Variants in STAG1 observed in about 807,000 individuals in gnomAD.
STAG1 encodes the protein STAG1 cohesin complex component.
Under a neutral mutation model 170.9 loss-of-function variants are expected in STAG1, and 26 were observed. That is an observed-to-expected ratio of 0.15 (90% CI 0.11 to 0.21). The LOEUF (loss-of-function observed/expected upper bound fraction) is 0.21. STAG1 is among the 10% of genes least tolerant of loss of function. The pLI is 1.00. For synonymous variants in STAG1, 514 were observed against 497.7 expected, an observed-to-expected ratio of 1.03 and a Z score of -0.44; for missense variants, 964 against 1,509.5, an observed-to-expected ratio of 0.64 and a Z score of 5.99.
At chr3:136,349,919 C>G (rs1302963047) in intron 28 of STAG1, among the ~76,000 whole-genome samples, 1 of 152,108 alleles carries the variant, frequency 6.6e-6, no homozygotes, top group Non-Finnish European at 1.5e-5. Flanking sequence ...CTTTGGGAGG[C>G]CGAGGTGGGC....
At chr3:136,673,563 A>G (rs555056440) in intron 1 of STAG1, among the ~76,000 whole-genome samples, 18 of 152,280 alleles carry the variant, frequency 1.2e-4, no homozygotes, top group Admixed American at 7.2e-4. Context: ...TAGGCCCAAC[A>G]TCTGTATTAC....
chr3:136,603,423 G>GT (rs34634128), intron 4 of STAG1, among the ~76,000 whole-genome samples: 113,257 of 152,048 alleles, frequency 0.74, 42,314 homozygotes, highest in East Asian at 0.86. Flanking sequence ...ATTTTAAAAT[G>GT]TTAAAAATGT....
intron 6 of STAG1, among the ~76,000 whole-genome samples, chr3:136,535,254 A>G (rs1935561062): frequency 2.0e-5 from 3 of 152,236 alleles, no homozygotes; most frequent in Non-Finnish European, 4.4e-5. Flanking sequence ...AGGAGGAAAC[A>G]GAGAGGTTGG....
At chr3:136,644,319 A>G (rs572355054) in intron 1 of STAG1, among the ~76,000 whole-genome samples, 1 of 152,360 alleles carries the variant, frequency 6.6e-6, no homozygotes, top group East Asian at 1.9e-4. Flanking sequence ...GAACAAGTTA[A>G]GTGAAGTATA....
rs374628980 is a variant in STAG1 at position 136,495,351 on chromosome 3, G to A, written c.902+4872C>T. ...AGAAGAGACAAAATGATTAAACTTCGAAAATAAAACACAGAAGAAATCTTA... is the reference window on the plus strand; with the variant it reads ...AGAAGAGACAAAATGATTAAACTTCAAAAATAAAACACAGAAGAAATCTTA... On this transcript the variant is annotated intron_variant, in intron 9 of 33. Transcript: ENST00000383202. Among the ~76,000 whole-genome samples the A allele has an allele frequency of 2.6e-4, 40 of 152,018 alleles. No homozygotes were observed. The East Asian group carries it at 6.2e-3, about 24-fold the overall frequency.
In STAG1 at chr3:136,452,025, T is replaced by C. The variant is rs1245408527; in HGVS notation, c.1428+8A>G. 6.4e-7 allele frequency: 1 copy of C among 1,570,208 alleles called. No individual in the cohort carries two copies. The highest frequency in any genetic ancestry group is 2.2e-5 in the East Asian group (1 of 44,452). On this transcript the variant is annotated splice_region_variant and intron_variant, in intron 14 of 33. Coordinates refer to ENST00000383202, the MANE Select transcript of STAG1 (RefSeq NM_005862.3). Reference sequence around the variant, plus strand: ...AGAAATAAGGAATTATCTTAAAACATTTTTTACCTCACTTTCAAGAAAGAA... The same window carrying C: ...AGAAATAAGGAATTATCTTAAAACACTTTTTACCTCACTTTCAAGAAAGAA...
intron 1 of STAG1, among the ~76,000 whole-genome samples, chr3:136,719,384 T>C (rs1933068751): frequency 6.6e-6 from 1 of 152,058 alleles, no homozygotes; most frequent in Admixed American, 6.6e-5. Context: ...GGGCACAGAT[T>C]TTCTTCTTTG....
At chr3:136,477,064 T>G (rs919717387) in intron 10 of STAG1, among the ~76,000 whole-genome samples, 2 of 152,216 alleles carry the variant, frequency 1.3e-5, no homozygotes, top group African/African-American at 2.4e-5. Flanking sequence ...GTTGTCAAAC[T>G]TGGTTCAAGA....
intron 7 of STAG1, among the ~76,000 whole-genome samples, chr3:136,507,185 T>C (rs908683953): frequency 4.6e-5 from 7 of 152,196 alleles, no homozygotes; most frequent in Non-Finnish European, 7.3e-5. Context: ...CCTTGCTCCA[T>C]AGTCCCAGCT....
At chr3:136,697,284 G>C (rs986519800) in intron 1 of STAG1, among the ~76,000 whole-genome samples, 1 of 152,120 alleles carries the variant, frequency 6.6e-6, no homozygotes, top group African/African-American at 2.4e-5. Flanking sequence ...TAAGCAGGTA[G>C]TTCCCAATCC....
chr3:136,735,178 T>C (rs889344544), intron 1 of STAG1, among the ~76,000 whole-genome samples: 10 of 150,808 alleles, frequency 6.6e-5, no homozygotes, highest in African/African-American at 9.7e-5. Context: ...AGTGCAGTGG[T>C]GTGACCTCGG....
intron 1 of STAG1, among the ~76,000 whole-genome samples, chr3:136,718,266 A>G (rs1326249918): frequency 6.6e-6 from 1 of 152,210 alleles, no homozygotes; most frequent in Non-Finnish European, 1.5e-5. Flanking sequence ...AGATGAAACA[A>G]AACTGGAATG....
chr3:136,595,739 T>G (rs1938399786), intron 4 of STAG1, among the ~76,000 whole-genome samples: 1 of 151,020 alleles, frequency 6.6e-6, no homozygotes, highest in African/African-American at 2.4e-5. Flanking sequence ...AGAACTTTCT[T>G]TAGTTCCCTA....
intron 7 of STAG1, chr3:136,518,478 A>T (rs376676391): frequency 1.5e-6 from 1 of 678,540 alleles, no homozygotes; most frequent in Non-Finnish European, 2.7e-6. Context: ...CATTAAAAAT[A>T]AGAAGAGGGC....
At position 136,624,674 on chromosome 3, in the gene STAG1, A is replaced by T. The variant is rs578244699; in HGVS notation, c.30-1426T>A. On this transcript the variant is annotated intron_variant, in intron 2 of 33. Transcript: ENST00000383202. ...TTAAGTTGAATCTGCATTGTTAACA[A>T]TTTCTCTATCACTTTCTTAAGTCTA... Among the ~76,000 whole-genome samples the T allele has an allele frequency of 3.3e-5, 5 of 152,304 alleles. 1 individual carries two copies. The highest frequency in any genetic ancestry group is 1.2e-4 in the African/African-American group (5 of 41,572).
intron 23 of STAG1, among the ~76,000 whole-genome samples, chr3:136,374,897 A>T (rs1937520784): frequency 6.6e-6 from 1 of 152,120 alleles, no homozygotes; most frequent in Non-Finnish European, 1.5e-5. Context: ...AGCTACTTCC[A>T]TTCTTATGGT....
intron 7 of STAG1, among the ~76,000 whole-genome samples, chr3:136,516,001 C>T (rs1934355784): frequency 1.3e-5 from 2 of 151,726 alleles, no homozygotes; most frequent in South Asian, 4.2e-4. Flanking sequence ...AGGTCAAACT[C>T]TAGAAGAATT....
At chr3:136,339,339 A>G (rs1011036619) in intron 32 of STAG1, among the ~76,000 whole-genome samples, 7 of 152,196 alleles carry the variant, frequency 4.6e-5, no homozygotes, top group Non-Finnish European at 8.8e-5. Flanking sequence ...CCTGGCCAAC[A>G]TGGTGAAACC....
chr3:136,386,719 T>C (rs2086883160), intron 22 of STAG1, among the ~76,000 whole-genome samples: 1 of 152,136 alleles, frequency 6.6e-6, no homozygotes. Context: ...TATTTTTTTG[T>C]AGAGACCAGG....
Sources: gnomAD v4.1 joint callset for allele counts (sites outside exome capture counted in the v4.1 genomes callset) on GRCh38, gnomAD v4.1.1 for gene constraint, MANE v1.5 for transcripts, NCBI Gene and HGNC (gene_info 2026-07-23, HGNC 2026-07-21) for gene names.